KDR: variants seen among roughly 807,000 people sequenced by gnomAD.
KDR encodes vascular endothelial growth factor receptor 2.
Under a neutral mutation model 160.9 loss-of-function variants are expected in KDR, and 43 were observed. The ratio of observed to expected loss-of-function variants is 0.27; its 90% CI spans 0.21 to 0.34. The LOEUF is 0.34. Among genes scored for constraint, KDR ranks in the 10% least tolerant of loss-of-function variants. KDR has a pLI of 1.00. For missense variants in KDR, 1,469 were observed against 1,666.4 expected (o/e 0.88, Z 2.06); for synonymous variants, 617 against 600.1 (o/e 1.03, Z -0.41).
chr4:55,115,440 G>A (rs1245393274), intron 3 of KDR, 29 bp from the exon 4 acceptor site: 1 of 1,203,566 alleles, frequency 8.3e-7, no homozygotes, highest in Non-Finnish European at 1.2e-6. Context: ...TTATTAATGA[G>A]TTAATAGTAT....
At position 55,106,486 on chromosome 4, in the gene KDR, G is replaced by A. The variant is rs140306588; in HGVS notation, c.1536+201C>T. ...ACAGATGCATAGATTTAATGTCATA[G>A]ATGTTTTTATTTTTCTCTGATAAGC... On this transcript the variant is annotated intron_variant, in intron 11 of 29. Transcript: ENST00000263923. 2.4e-4 allele frequency among the ~76,000 whole-genome samples: 36 copies of A among 152,236 alleles called. No homozygotes were observed. In the Middle Eastern group the frequency reaches 0.01, roughly 43 times the overall value.
intron 18 of KDR, 28 bp from the exon 19 acceptor site, chr4:55,096,370 C>T (rs748188270): frequency 3.3e-6 from 5 of 1,503,906 alleles, no homozygotes; most frequent in Non-Finnish European, 4.6e-6. Flanking sequence ...AGAGGGAAAT[C>T]ATAGGTATGG....
intron 22 of KDR, 90 bp from the exon 23 acceptor site, chr4:55,090,168 C>T (rs904821217): frequency 1.4e-6 from 2 of 1,466,268 alleles, no homozygotes; most frequent in African/African-American, 1.4e-5. Context: ...AAAAATCCCA[C>T]ATCAGAAAGC....
chr4:55,118,670 T>C lies in KDR; in HGVS notation c.292A>G (p.Thr98Ala). 2 of 1,614,140 alleles carry C rather than the reference T, an allele frequency of 1.2e-6. No homozygotes were observed. Among genetic ancestry groups the C allele is most frequent in the Non-Finnish European group, 1.7e-6 (2 of 1,180,008 alleles). The change falls in exon 3 of 30, where the codon ACT becomes GCT. Residue 98 changes from threonine (T) to alanine (A), a missense_variant. Coordinates refer to ENST00000263923, the MANE Select transcript of KDR (RefSeq NM_002253.4). ...CGGTAGAAGCACTTGTAGGCTCCAG[T>C]GTCATTTCCGATCACTTTTGGAATT... Reference protein sequence around the residue: ...LTIPKVIGNDTGAYKCFYRET... With the variant: ...LTIPKVIGNDAGAYKCFYRET...
Position 55,082,608 on chromosome 4 carries a change from C to T in KDR, c.3690G>A (p.Lys1230=). The T allele has an allele frequency of 6.2e-7, 1 of 1,613,964 alleles. No homozygotes were observed. Among genetic ancestry groups the T allele is most frequent in the Non-Finnish European group, 8.5e-7 (1 of 1,179,912 alleles). The change falls in exon 28 of 30, where the codon AAG becomes AAA. Residue 1230 remains lysine (K), a synonymous_variant. Transcript: ENST00000263923. The part of the protein sequence containing the change: ...ISQYLQNSKR[K]SRPVSVKTFE... ...ATGTTTTTACACTCACAGGCCGGCTCTTTCGCTTACTGTTCTGCAGATACT... is the reference window on the plus strand; with the variant it reads ...ATGTTTTTACACTCACAGGCCGGCTTTTTCGCTTACTGTTCTGCAGATACT...
In KDR at chr4:55,101,886, A is replaced by C. The variant is rs7655964; in HGVS notation, c.2266+11T>G. On this transcript the variant is annotated intron_variant, in intron 15 of 29. Transcript: ENST00000263923. ...GTGTATATGTACCACATTTTTTTTTATCCCACTGACCTTCTATTATGAAAA... is the reference window on the plus strand; with the variant it reads ...GTGTATATGTACCACATTTTTTTTTCTCCCACTGACCTTCTATTATGAAAA... 0.34 allele frequency: 551,610 copies of C among 1,605,430 alleles called. 97,830 individuals are homozygous for C. The highest frequency in any genetic ancestry group is 0.52 in the Admixed American group (31,196 of 59,808).
At chr4:55,111,886 T>C (rs948171405) in intron 7 of KDR, among the ~76,000 whole-genome samples, 3 of 152,206 alleles carry the variant, frequency 2.0e-5, no homozygotes, top group Admixed American at 1.3e-4. Context: ...ATAAAGTAAG[T>C]GCTCACTAAA....
At chr4:55,124,616 C>A (rs961671849) in intron 1 of KDR, among the ~76,000 whole-genome samples, 13 of 152,028 alleles carry the variant, frequency 8.6e-5, no homozygotes, top group Non-Finnish European at 1.9e-4. Flanking sequence ...GTCCCTATTC[C>A]CCCCCTTCTT....
chr4:55,082,175 G>T, intron 28 of KDR, 134 bp from the exon 29 acceptor site: 1 of 752,306 alleles, frequency 1.3e-6, no homozygotes, highest in Non-Finnish European at 2.4e-6. Flanking sequence ...AGGTATCATA[G>T]CCACAAATTG....
In KDR at chr4:55,079,716, G is replaced by A. The variant is rs1416260208; in HGVS notation, c.*225C>T. ...AAATGCTTTTTAAATGAATGAAAAA[G>A]AGGATCAGGTCAACACTGGGAGAAG... is the stretch of plus-strand genomic sequence containing the variant. On this transcript the variant is annotated 3_prime_UTR_variant, in exon 30 of 30. Coordinates refer to ENST00000263923, the MANE Select transcript of KDR (RefSeq NM_002253.4). The A allele has an allele frequency of 5.1e-6, 3 of 590,848 alleles. No homozygotes were observed. The East Asian group carries it at 8.5e-5, about 17-fold the overall frequency. 36.6% of individuals were successfully genotyped at this position (590,848 alleles called of 1,614,324 possible).
intron 1 of KDR, among the ~76,000 whole-genome samples, chr4:55,124,722 C>T (rs1720985710): frequency 6.6e-6 from 1 of 151,702 alleles, no homozygotes; most frequent in Non-Finnish European, 1.5e-5. Context: ...CAAGTGTGTT[C>T]GAGCATGAAG....
intron 1 of KDR, among the ~76,000 whole-genome samples, chr4:55,121,866 T>C (rs1158480493): frequency 6.6e-6 from 1 of 152,194 alleles, no homozygotes; most frequent in Admixed American, 6.5e-5. Context: ...TTTACACATA[T>C]GTGCAAATTA....
rs769621134 is a variant in KDR at position 55,102,444 on chromosome 4, G to A, written c.2052C>T (p.Ile684=). The change falls in exon 14 of 30, where the codon ATC becomes ATT. Residue 684 remains isoleucine, a synonymous_variant. Transcript: ENST00000263923. The stretch of plus-strand genomic sequence containing the variant: ...TCCCAGATGCCGTGCATGAGACTTC[G>A]ATGCTTTCCCCAATACTTGTCGTCT... ...ENQTTSIGES[I]EVSCTASGNP... The A allele has an allele frequency of 7.9e-5, 128 of 1,613,482 alleles. 1 individual carries two copies. In the South Asian group the frequency reaches 9.4e-4, roughly 12 times the overall value.
chr4:55,119,015 G>T (rs1191273938), intron 2 of KDR, among the ~76,000 whole-genome samples: 3 of 152,090 alleles, frequency 2.0e-5, no homozygotes, highest in African/African-American at 7.2e-5. Flanking sequence ...TCGAGACCAG[G>T]CTGGGCAACA....
intron 15 of KDR, among the ~76,000 whole-genome samples, chr4:55,101,053 T>C (rs1720297525): frequency 6.6e-6 from 1 of 152,212 alleles, no homozygotes; most frequent in African/African-American, 2.4e-5. Context: ...AGAAGAGCAA[T>C]GGTCTATTGT....
chr4:55,105,595 T>C (rs1015605613), intron 12 of KDR, among the ~76,000 whole-genome samples: 3 of 152,144 alleles, frequency 2.0e-5, no homozygotes, highest in Non-Finnish European at 4.4e-5. Flanking sequence ...GAGCTTGTGG[T>C]TTAAAGCATC....
In KDR at chr4:55,104,737, A is replaced by T. The variant is rs201590973; in HGVS notation, c.1893T>A (p.Asn631Lys). Residue 631 changes from asparagine to lysine, a missense_variant, in exon 13 of 30, where the codon AAT becomes AAA. Coordinates refer to ENST00000263923, the MANE Select transcript of KDR (RefSeq NM_002253.4). ...AGTCTCCTTGGTCCTGCAAGGATGC[A>T]TTCTTAAGCTCCATGATCAAAATGT... ...TNDILIMELK[N>K]ASLQDQGDYV... The T allele has an allele frequency of 5.0e-6, 8 of 1,613,972 alleles. No individual in the cohort carries two copies. The highest frequency in any genetic ancestry group is 6.8e-6 in the Non-Finnish European group (8 of 1,179,898).
intron 2 of KDR, among the ~76,000 whole-genome samples, chr4:55,119,432 C>T (rs1720812299): frequency 6.6e-6 from 1 of 152,070 alleles, no homozygotes; most frequent in South Asian, 2.1e-4. Context: ...CTTTATGGAA[C>T]CTCAGTCTAA....
rs2110015205 is a variant in KDR at position 55,094,883 on chromosome 4, C to A, written c.2890G>T (p.Asp964Tyr). ...GAGCTCTGGCTACTGGTGATGCTGTCCAAGCGCCGTTTCAGATCCACAGGG... is the reference window on the plus strand; with the variant it reads ...GAGCTCTGGCTACTGGTGATGCTGTACAAGCGCCGTTTCAGATCCACAGGG... ...AIPVDLKRRL[D>Y]SITSSQSSAS... Residue 964 changes from aspartate to tyrosine, a missense_variant, in exon 21 of 30, where the codon GAC (aspartate) becomes TAC (tyrosine). By Grantham distance (160) the Asp-to-Tyr change is radical (BLOSUM62 -3). Transcript: ENST00000263923. The A allele has an allele frequency of 1.9e-6, 3 of 1,613,966 alleles. No individual in the cohort carries two copies. The highest frequency in any genetic ancestry group is 2.5e-6 in the Non-Finnish European group (3 of 1,179,894).
Sources: allele counts gnomAD v4.1 joint callset (sites outside exome capture counted in the v4.1 genomes callset), GRCh38; gene constraint gnomAD v4.1.1; transcripts MANE v1.5; gene names NCBI Gene and HGNC (gene_info 2026-07-23, HGNC 2026-07-21).